The following FAIM2 variants were observed in gnomAD, a reference collection of about 807,000 sequenced individuals.
FAIM2 encodes the protein Fas apoptotic inhibitory molecule 2, also known as protein lifeguard 2.
FAIM2 carries 27 observed loss-of-function variants against 47.4 expected under a neutral mutation model. That is an observed-to-expected ratio of 0.57 (90% CI 0.42 to 0.78). FAIM2 has a LOEUF of 0.78. Ranked by LOEUF, FAIM2 falls within the 30% of genes least tolerant of loss-of-function variation. FAIM2 has a pLI of 0.00. For missense variants in FAIM2, 311 were observed against 389.4 expected (o/e 0.80, Z 1.69); for synonymous variants, 156 against 159.3 (o/e 0.98, Z 0.16).
At chr12:49,879,736 G>C (rs973940065) in intron 11 of FAIM2, among the ~76,000 whole-genome samples, 2 of 150,192 alleles carry the variant, frequency 1.3e-5, no homozygotes, top group African/African-American at 5.0e-5. Context: ...GTGTGTGTCT[G>C]AGTGAATGTG....
chr12:49,872,037 G>T (rs1182991366), intron 11 of FAIM2, among the ~76,000 whole-genome samples: 1 of 152,162 alleles, frequency 6.6e-6, no homozygotes. Context: ...TGTATGAAAG[G>T]CATGTTCCCT....
At chr12:49,890,756 AG>A (rs1245704358) in intron 6 of FAIM2, 34 bp from the exon 7 acceptor site, 1 of 1,606,534 alleles carries the variant, frequency 6.2e-7, no homozygotes, top group Admixed American at 1.7e-5. Context: ...AGGGGATCGT[AG>A]GGGGTGGGGG....
rs768810077 is a variant in FAIM2 at position 49,897,014 on chromosome 12, G to A, written c.434+17C>T. The stretch of plus-strand genomic sequence containing the variant: ...AAGCCTTCTCTGGAAGGGGACTGGG[G>A]ACTGAGATATACTCACTAGGATGCC... On this transcript the variant is annotated intron_variant, in intron 5 of 11. Transcript: ENST00000320634. 1.2e-6 allele frequency: 2 copies of A among 1,603,466 alleles called. No individual in the cohort carries two copies. The highest frequency in any genetic ancestry group is 2.2e-5 in the East Asian group (1 of 44,832).
At position 49,878,725 on chromosome 12, in the gene FAIM2, T is replaced by TTG. The variant is rs1565613507; in HGVS notation, c.802-8073_802-8072insCA. On this transcript the variant is annotated intron_variant, in intron 11 of 11. Transcript: ENST00000320634. ...ATGTGTGCATATATGCGTGTGTGTC[T>TTG]GTGTGCATGTGAGTGTATATGCATA... Among the ~76,000 whole-genome samples the TTG allele has an allele frequency of 5.8e-4, 73 of 126,486 alleles. 6 individuals are homozygous for TTG. The highest frequency in any genetic ancestry group is 2.4e-3 in the African/African-American group (72 of 30,336). 83.0% of individuals were successfully genotyped at this position (126,486 alleles called of 152,430 possible). A position where few individuals can be genotyped will look rare whatever the true frequency, so the allele number is the denominator to read the frequency against.
At chr12:49,893,645 G>A (rs1284886866) in intron 5 of FAIM2, among the ~76,000 whole-genome samples, 2 of 152,210 alleles carry the variant, frequency 1.3e-5, no homozygotes, top group East Asian at 1.9e-4. Context: ...ATTGGATTTG[G>A]TGAGTAGGAC....
intron 11 of FAIM2, among the ~76,000 whole-genome samples, chr12:49,875,652 G>A (rs746869265): frequency 1.7e-4 from 26 of 152,300 alleles, no homozygotes; most frequent in Non-Finnish European, 3.1e-4. Context: ...GTATGAAAGT[G>A]TATTAATGAC....
chr12:49,894,442 G>A (rs1946921523), intron 5 of FAIM2, among the ~76,000 whole-genome samples: 1 of 152,220 alleles, frequency 6.6e-6, no homozygotes, highest in African/African-American at 2.4e-5. Context: ...AATGGAGGGA[G>A]GCGATGAGGG....
chr12:49,898,207 T>C (rs940749278), intron 2 of FAIM2, 117 bp from the exon 3 acceptor site: 3 of 414,322 alleles, frequency 7.2e-6, no homozygotes, highest in African/African-American at 4.9e-5. Context: ...GACCCTGAAG[T>C]CTTTCTCTCC....
intron 2 of FAIM2, 127 bp from the exon 3 acceptor site, chr12:49,898,217 C>A: frequency 2.7e-6 from 1 of 367,478 alleles, no homozygotes; most frequent in Non-Finnish European, 5.0e-6. Flanking sequence ...TCTTTCTCTC[C>A]TGCCCCATTA....
At chr12:49,898,311 A>AGAAGCT (rs1484805346) in intron 2 of FAIM2, among the ~76,000 whole-genome samples, 1 of 152,230 alleles carries the variant, frequency 6.6e-6, no homozygotes, top group Non-Finnish European at 1.5e-5. Context: ...AGTCCTGGGA[A>AGAAGCT]GAAGCTGTCA....
chr12:49,889,084 T>G, intron 10 of FAIM2, 23 bp downstream of exon 10: 1 of 1,575,724 alleles, frequency 6.3e-7, no homozygotes, highest in Non-Finnish European at 8.7e-7. Context: ...CCATGGGGCC[T>G]GCTGGGGGAC....
In FAIM2 at chr12:49,897,538, C is replaced by T. The variant is rs776837734; in HGVS notation, c.361G>A (p.Val121Met). Reference sequence around the variant, plus strand: ...ACTCACCAGAAAGTAAAGAGAGCCACGACAGCCAAGGTCACCAGCAGCTGA... The same window carrying T: ...ACTCACCAGAAAGTAAAGAGAGCCATGACAGCCAAGGTCACCAGCAGCTGA... ...LIQLLVTLAV[V>M]ALFTFCDPVK... The change falls in exon 4 of 12, where the codon GTG becomes ATG. Residue 121 changes from valine to methionine, a missense_variant. Val to Met is a conservative substitution (Grantham distance 21). Coordinates refer to ENST00000320634, the MANE Select transcript of FAIM2 (RefSeq NM_012306.4). 8.1e-6 allele frequency: 13 copies of T among 1,614,150 alleles called. No homozygotes were observed. Among genetic ancestry groups the T allele is most frequent in the East Asian group, 2.2e-5 (1 of 44,874 alleles).
chr12:49,894,379 C>T (rs933978696), intron 5 of FAIM2, among the ~76,000 whole-genome samples: 2 of 152,172 alleles, frequency 1.3e-5, no homozygotes, highest in African/African-American at 2.4e-5. Flanking sequence ...CAGCCCTCCA[C>T]CACCGCAGAC....
intron 11 of FAIM2, among the ~76,000 whole-genome samples, chr12:49,879,682 G>A (rs976627877): frequency 3.8e-5 from 5 of 131,652 alleles, no homozygotes; most frequent in Non-Finnish European, 6.3e-5. Flanking sequence ...GTGCATGTGT[G>A]TATCTGTGTC....
intron 1 of FAIM2, among the ~76,000 whole-genome samples, chr12:49,903,557 C>G (rs12427051): frequency 0.06 from 9,213 of 152,292 alleles, 748 homozygotes; most frequent in East Asian, 0.37. Context: ...GCAGGGGTGG[C>G]AGGGTGACAG....
chr12:49,882,521 G>C (rs1169804375), intron 11 of FAIM2, among the ~76,000 whole-genome samples: 3 of 152,172 alleles, frequency 2.0e-5, no homozygotes, highest in African/African-American at 7.2e-5. Context: ...GGCAGGGGAT[G>C]GAGCCAGGGG....
chr12:49,875,083 G>A (rs1946727038), intron 11 of FAIM2, among the ~76,000 whole-genome samples: 1 of 152,162 alleles, frequency 6.6e-6, no homozygotes, highest in Admixed American at 6.5e-5. Context: ...CACGATCAAA[G>A]TGACATTTGC....
At chr12:49,875,185 A>C (rs750875175) in intron 11 of FAIM2, among the ~76,000 whole-genome samples, 13 of 152,212 alleles carry the variant, frequency 8.5e-5, no homozygotes, top group Admixed American at 2.0e-4. Context: ...AGAAGGGTTA[A>C]AATAGCACAA....
chr12:49,891,333 G>A (rs1946898886), intron 5 of FAIM2, among the ~76,000 whole-genome samples: 1 of 152,146 alleles, frequency 6.6e-6, no homozygotes, highest in South Asian at 2.1e-4. Context: ...CTAGAAACAG[G>A]GAATCTTGGG....
Sources: gnomAD v4.1 joint callset for allele counts (sites outside exome capture counted in the v4.1 genomes callset) on GRCh38, gnomAD v4.1.1 for gene constraint, MANE v1.5 for transcripts, NCBI Gene and HGNC (gene_info 2026-07-23, HGNC 2026-07-21) for gene names.